The following BBS9 variants were observed in gnomAD, a reference collection of about 807,000 sequenced individuals.
BBS9 encodes Bardet-Biedl syndrome 9.
Under a neutral mutation model 117.7 loss-of-function variants are expected in BBS9, and 89 were observed. That is an observed-to-expected ratio of 0.76 (90% CI 0.64 to 0.90). The LOEUF (loss-of-function observed/expected upper bound fraction) is 0.90, where lower values mean the gene tolerates loss of function less well. Among genes scored for constraint, BBS9 ranks in the 40% least tolerant of loss-of-function variants. The pLI, the probability that BBS9 is intolerant of heterozygous loss-of-function variation, is 0.00. For missense variants in BBS9, 982 were observed against 1,042.2 expected, an observed-to-expected ratio of 0.94 and a Z score of 0.80; for synonymous variants, 379 against 370.9, an observed-to-expected ratio of 1.02 and a Z score of -0.25.
chr7:33,371,369 T>A (rs1216235251), intron 17 of BBS9, among the ~76,000 whole-genome samples: 1 of 152,164 alleles, frequency 6.6e-6, no homozygotes, highest in Non-Finnish European at 1.5e-5. Flanking sequence ...AGTATCTAGT[T>A]TTGCAAGTTT....
At chr7:33,393,426 G>A (rs1180581464) in intron 19 of BBS9, among the ~76,000 whole-genome samples, 1 of 152,104 alleles carries the variant, frequency 6.6e-6, no homozygotes, top group Non-Finnish European at 1.5e-5. Context: ...CTCTATAGTA[G>A]CCATACTGGA....
chr7:33,211,765 T>C (rs1788071417), intron 5 of BBS9, among the ~76,000 whole-genome samples: 1 of 152,322 alleles, frequency 6.6e-6, no homozygotes, highest in African/African-American at 2.4e-5. Context: ...GCATTTCTTG[T>C]AGGACAGTTC....
chr7:33,408,441 C>A (rs1830488238), intron 19 of BBS9, among the ~76,000 whole-genome samples: 1 of 152,078 alleles, frequency 6.6e-6, no homozygotes, highest in South Asian at 2.1e-4. Context: ...TGTGCTGCAC[C>A]CACTCTCCTG....
At chr7:33,301,246 C>G (rs2128424380) in intron 9 of BBS9, among the ~76,000 whole-genome samples, 1 of 151,960 alleles carries the variant, frequency 6.6e-6, no homozygotes, top group Middle Eastern at 3.4e-3. Flanking sequence ...GTATCCATCA[C>G]CTCAAGCATT....
intron 19 of BBS9, among the ~76,000 whole-genome samples, chr7:33,410,770 C>T (rs1038782446): frequency 6.6e-6 from 1 of 152,112 alleles, no homozygotes; most frequent in East Asian, 1.9e-4. Flanking sequence ...CTGTCCCTTG[C>T]TCTTTTGCTT....
chr7:33,419,073 C>CT (rs370672610), intron 19 of BBS9, among the ~76,000 whole-genome samples: 65 of 148,512 alleles, frequency 4.4e-4, no homozygotes, highest in Admixed American at 8.1e-4. Flanking sequence ...ATTAAAATTG[C>CT]TTTTTTTTTT....
chr7:33,630,194 A>T (rs1372463245), intron 21 of BBS9, among the ~76,000 whole-genome samples: 2 of 152,262 alleles, frequency 1.3e-5, no homozygotes, highest in African/African-American at 4.8e-5. Context: ...AAGCAAAGCA[A>T]AACAGATCCA....
chr7:33,318,002 A>C (rs902011426), intron 9 of BBS9, among the ~76,000 whole-genome samples: 2 of 152,170 alleles, frequency 1.3e-5, no homozygotes, highest in Admixed American at 6.5e-5. Context: ...CAGTGAGTCG[A>C]GATCACACCA....
At chr7:33,216,881 G>A (rs990635073) in intron 5 of BBS9, among the ~76,000 whole-genome samples, 4 of 152,128 alleles carry the variant, frequency 2.6e-5, no homozygotes, top group Middle Eastern at 3.2e-3. Flanking sequence ...GGATCACGAG[G>A]TCAGGAGTTT....
intron 15 of BBS9, among the ~76,000 whole-genome samples, chr7:33,355,740 T>C (rs1389680932): frequency 6.6e-6 from 1 of 151,956 alleles, no homozygotes; most frequent in Non-Finnish European, 1.5e-5. Flanking sequence ...CCTTCTTGGG[T>C]TTATTAGTGC....
intron 2 of BBS9, among the ~76,000 whole-genome samples, chr7:33,147,645 C>G (rs887594608): frequency 2.0e-5 from 3 of 152,176 alleles, no homozygotes; most frequent in Non-Finnish European, 4.4e-5. Flanking sequence ...CACAGAAATA[C>G]CTGCCAGAGA....
At chr7:33,498,354 A>G (rs1212620859) in intron 19 of BBS9, among the ~76,000 whole-genome samples, 1 of 152,190 alleles carries the variant, frequency 6.6e-6, no homozygotes, top group Non-Finnish European at 1.5e-5. Context: ...TTGAGATATC[A>G]TTTACATATA....
At chr7:33,438,656 G>T (rs1273111499) in intron 19 of BBS9, among the ~76,000 whole-genome samples, 2 of 152,190 alleles carry the variant, frequency 1.3e-5, no homozygotes, top group African/African-American at 4.8e-5. Flanking sequence ...ATGAAGTGTT[G>T]GCAAATACAT....
intron 9 of BBS9, among the ~76,000 whole-genome samples, chr7:33,289,720 A>G (rs919024914): frequency 6.6e-6 from 1 of 152,144 alleles, no homozygotes; most frequent in Non-Finnish European, 1.5e-5. Context: ...GTAAATGGGT[A>G]GTTACAATTC....
intron 5 of BBS9, among the ~76,000 whole-genome samples, chr7:33,237,115 A>C (rs549065226): frequency 1.2e-4 from 19 of 152,332 alleles, no homozygotes; most frequent in African/African-American, 4.1e-4. Context: ...GTTCCTTTTC[A>C]TTTCCCTTCT....
intron 2 of BBS9, among the ~76,000 whole-genome samples, chr7:33,151,468 A>G (rs764878829): frequency 1.3e-5 from 2 of 152,160 alleles, no homozygotes; most frequent in Non-Finnish European, 2.9e-5. Flanking sequence ...TAGTGGGGAC[A>G]GGAATGGGCA....
At chr7:33,271,865 GACATCT>G (rs1398046592) in intron 7 of BBS9, among the ~76,000 whole-genome samples, 1 of 152,092 alleles carries the variant, frequency 6.6e-6, no homozygotes, top group Non-Finnish European at 1.5e-5. Context: ...GGACCTAATA[GACATCT>G]ACAAAACTCT....
chr7:33,455,968 A>G (rs1348875425), intron 19 of BBS9, among the ~76,000 whole-genome samples: 2 of 152,218 alleles, frequency 1.3e-5, no homozygotes, highest in Non-Finnish European at 2.9e-5. Flanking sequence ...AATATCTGGA[A>G]TATGTGGAGA....
At chr7:33,444,767 A>G (rs1836742652) in intron 19 of BBS9, among the ~76,000 whole-genome samples, 1 of 152,186 alleles carries the variant, frequency 6.6e-6, no homozygotes. Context: ...TTATTCTAGG[A>G]GCTCTAGCTC....
Sources: gnomAD v4.1 joint callset for allele counts (sites outside exome capture counted in the v4.1 genomes callset) on GRCh38, gnomAD v4.1.1 for gene constraint, MANE v1.5 for transcripts, NCBI Gene and HGNC (gene_info 2026-07-23, HGNC 2026-07-21) for gene names.